Variants in ASTN2 observed in about 807,000 individuals in gnomAD.
ASTN2 encodes the protein astrotactin-2.
Under a neutral mutation model 139.8 loss-of-function variants are expected in ASTN2, and 54 were observed. The ratio of observed to expected loss-of-function variants is 0.39; its 90% CI spans 0.31 to 0.48. The LOEUF is 0.48. ASTN2 is among the 20% of genes least tolerant of loss of function. The pLI, the probability that ASTN2 is intolerant of heterozygous loss-of-function variation, is 0.95. For missense variants in ASTN2, 1,565 were observed against 1,725.1 expected, an observed-to-expected ratio of 0.91 and a Z score of 1.64; for synonymous variants, 756 against 719.5, an observed-to-expected ratio of 1.05 and a Z score of -0.81.
intron 22 of ASTN2, among the ~76,000 whole-genome samples, chr9:116,434,086 T>C (rs896215319): frequency 6.6e-6 from 1 of 152,152 alleles, no homozygotes; most frequent in Non-Finnish European, 1.5e-5. Context: ...TATTAGTTAG[T>C]TGGTATTAGT....
intron 2 of ASTN2, among the ~76,000 whole-genome samples, chr9:117,277,542 A>C (rs772700331): frequency 2.4e-4 from 37 of 152,222 alleles, no homozygotes; most frequent in Non-Finnish European, 5.0e-4. Flanking sequence ...TTAAAAATGG[A>C]ACTACCATAT....
intron 4 of ASTN2, among the ~76,000 whole-genome samples, chr9:117,119,988 GTA>G (rs1311951403): frequency 0.28 from 21,761 of 78,394 alleles, 2,221 homozygotes; most frequent in Non-Finnish European, 0.33. Context: ...CTATATATTT[GTA>G]TGTGTGTGTG....
chr9:116,969,614 G>A (rs779607526), intron 10 of ASTN2, among the ~76,000 whole-genome samples: 1 of 152,116 alleles, frequency 6.6e-6, no homozygotes, highest in Admixed American at 6.5e-5. Flanking sequence ...GGAATAGTGA[G>A]TCCCAACATT....
chr9:117,039,991 C>T (rs1838506967), intron 5 of ASTN2, 26 bp from the exon 6 acceptor site: 1 of 1,577,796 alleles, frequency 6.3e-7, no homozygotes, highest in Non-Finnish European at 8.6e-7. Context: ...TACACAAAGA[C>T]ACAAAATTCC....
intron 5 of ASTN2, among the ~76,000 whole-genome samples, chr9:117,054,429 C>A (rs1839000236): frequency 6.6e-6 from 1 of 152,182 alleles, no homozygotes; most frequent in Non-Finnish European, 1.5e-5. Context: ...TAAGGACCCA[C>A]TCTGCTGTGA....
intron 11 of ASTN2, among the ~76,000 whole-genome samples, chr9:116,837,033 G>A (rs1381998701): frequency 6.6e-6 from 1 of 152,096 alleles, no homozygotes; most frequent in Non-Finnish European, 1.5e-5. Context: ...TTTATTCTAA[G>A]TGCAACTGGA....
intron 17 of ASTN2, among the ~76,000 whole-genome samples, chr9:116,630,759 T>C (rs1476987274): frequency 2.0e-5 from 3 of 151,928 alleles, no homozygotes; most frequent in East Asian, 3.9e-4. Flanking sequence ...AAACAGTCAA[T>C]AGAGGGAAAA....
chr9:116,893,190 C>T (rs1030353268), intron 10 of ASTN2, among the ~76,000 whole-genome samples: 12 of 143,088 alleles, frequency 8.4e-5, no homozygotes, highest in African/African-American at 2.3e-4. Flanking sequence ...CACACACACA[C>T]ACACTTTAGA....
At chr9:116,545,427 C>T (rs925447369) in intron 19 of ASTN2, among the ~76,000 whole-genome samples, 3 of 152,150 alleles carry the variant, frequency 2.0e-5, no homozygotes, top group Non-Finnish European at 2.9e-5. Flanking sequence ...ATTTTTCAAA[C>T]ATTTTCAAAG....
intron 2 of ASTN2, among the ~76,000 whole-genome samples, chr9:117,240,424 A>G (rs1471040593): frequency 6.6e-6 from 1 of 152,180 alleles, no homozygotes; most frequent in Admixed American, 6.5e-5. Context: ...ATAAAGAACA[A>G]CAGCACATTG....
intron 3 of ASTN2, among the ~76,000 whole-genome samples, chr9:117,210,960 A>T (rs769600084): frequency 1.1e-4 from 16 of 147,706 alleles, no homozygotes; most frequent in Non-Finnish European, 2.1e-4. Flanking sequence ...ATGGAAAAAA[A>T]ACCATATGAT....
At chr9:117,103,953 A>G (rs1829042823) in intron 4 of ASTN2, among the ~76,000 whole-genome samples, 1 of 152,144 alleles carries the variant, frequency 6.6e-6, no homozygotes, top group Non-Finnish European at 1.5e-5. Context: ...TTTGACCACA[A>G]CTGCTACCTG....
intron 19 of ASTN2, among the ~76,000 whole-genome samples, chr9:116,571,550 T>C (rs1255210083): frequency 2.0e-5 from 3 of 152,122 alleles, no homozygotes; most frequent in Admixed American, 6.6e-5. Context: ...GCTACGTGAG[T>C]GGATGCCATC....
chr9:117,396,568 G>GTGT (rs931137547), intron 1 of ASTN2, among the ~76,000 whole-genome samples: 1 of 152,054 alleles, frequency 6.6e-6, no homozygotes. Context: ...GAGATGTTTT[G>GTGT]TGTTGTTGTT....
Position 117,264,781 on chromosome 9 carries a change from T to C in ASTN2, c.630+26545A>G, listed in dbSNP as rs552016903. On this transcript the variant is annotated intron_variant, in intron 2 of 22. Coordinates refer to ENST00000313400, the MANE Select transcript of ASTN2 (RefSeq NM_001365068.1). ...TAGGCTTAACGTTTTTGTTTGCTTG[T>C]TTGCTTTTGAAAATGGGACCTGGTA... is the stretch of plus-strand genomic sequence containing the variant. 3.9e-5 allele frequency among the ~76,000 whole-genome samples: 6 copies of C among 152,294 alleles called. No individual in the cohort carries two copies. The East Asian group carries it at 9.7e-4, about 25-fold the overall frequency.
chr9:116,725,364 AGAAGAACCCAAGATCTTCTTG>A (rs1485406339), intron 16 of ASTN2, among the ~76,000 whole-genome samples: 2 of 151,882 alleles, frequency 1.3e-5, no homozygotes, highest in Non-Finnish European at 2.9e-5. Context: ...TTCTTGGGAG[AGAAGAACCCAAGATCTTCTTG>A]GGTTCTCCCA....
intron 2 of ASTN2, among the ~76,000 whole-genome samples, chr9:117,223,400 A>G (rs1400200834): frequency 1.3e-5 from 2 of 152,196 alleles, no homozygotes; most frequent in Non-Finnish European, 2.9e-5. Context: ...CCAAATGTCA[A>G]TAGCGCAGAG....
intron 18 of ASTN2, among the ~76,000 whole-genome samples, chr9:116,618,989 T>G (rs1855991132): frequency 6.6e-6 from 1 of 152,004 alleles, no homozygotes; most frequent in Non-Finnish European, 1.5e-5. Flanking sequence ...ACTAGAATGG[T>G]CCTTAGAGAT....
In ASTN2 at chr9:117,039,947, A is replaced by T; in HGVS notation, c.1295T>A (p.Val432Glu). ...AATCAGTGTCAGGGCTGTCTTGTTC[A>T]CTGGGCTTTTCAGCAAACCTGGTAA... The part of the protein sequence containing the change: ...RRSKGLLKSP[V>E]NKTALTLIAV... The change falls in exon 6 of 23, where the codon GTG becomes GAG. Residue 432 changes from valine (V) to glutamate (E), a missense_variant. Around this residue, in one of 4 missense-constraint regions of ASTN2, gnomAD observed 503 missense variants for 591.7 expected, o/e 0.85. Transcript: ENST00000313400. The T allele has an allele frequency of 6.2e-7, 1 of 1,611,760 alleles. No homozygotes were observed. The highest frequency in any genetic ancestry group is 1.7e-4 in the Middle Eastern group (1 of 6,046).
Sources: gnomAD v4.1 joint callset for allele counts (sites outside exome capture counted in the v4.1 genomes callset) on GRCh38, gnomAD v4.1.1 for gene constraint, gnomAD v4.1.1 regional missense constraint, MANE v1.5 for transcripts, NCBI Gene and HGNC (gene_info 2026-07-23, HGNC 2026-07-21) for gene names.